The following PLCB4 variants were observed in gnomAD, a reference collection of about 807,000 sequenced individuals.
PLCB4 encodes phospholipase C beta 4, also known as 1-phosphatidylinositol 4,5-bisphosphate phosphodiesterase beta-4.
A neutral mutation model predicts 178.8 loss-of-function variants in PLCB4; 77 were observed. That is an observed-to-expected ratio of 0.43 (90% CI 0.36 to 0.52). The LOEUF (loss-of-function observed/expected upper bound fraction) is 0.52. Among genes scored for constraint, PLCB4 ranks in the 20% least tolerant of loss-of-function variants. The probability of loss-of-function intolerance (pLI) is 0.00; values close to 1 mark genes in which losing one functional copy is unlikely to be tolerated. For missense variants in PLCB4, 1,024 were observed against 1,453.4 expected (o/e 0.70, Z 4.80); for synonymous variants, 496 against 490.8 (o/e 1.01, Z -0.14).
chr20:9,304,238 T>G (rs368206371), intron 3 of PLCB4, among the ~76,000 whole-genome samples: 3,214 of 148,958 alleles, frequency 0.022, 106 homozygotes, highest in African/African-American at 0.076. Flanking sequence ...TATGTGTGTG[T>G]GGGGGGGTGT....
intron 27 of PLCB4, among the ~76,000 whole-genome samples, chr20:9,421,766 T>C (rs1021583653): frequency 6.6e-6 from 1 of 152,178 alleles, no homozygotes; most frequent in African/African-American, 2.4e-5. Flanking sequence ...AGTTCTTCCC[T>C]ACCCTGGAAG....
intron 2 of PLCB4, among the ~76,000 whole-genome samples, chr20:9,110,752 C>T (rs2091545573): frequency 6.6e-6 from 1 of 152,166 alleles, no homozygotes; most frequent in African/African-American, 2.4e-5. Context: ...ACCAAATGTC[C>T]TCTTCACCAA....
rs370518946 is a variant in PLCB4, at chr20:9,327,284, A to T, written c.85-9842A>T. 2.8e-3 allele frequency among the ~76,000 whole-genome samples: 413 copies of T among 148,654 alleles called. 2 individuals carry two copies. Among genetic ancestry groups the T allele is most frequent in the African/African-American group, 9.3e-3 (371 of 39,988 alleles). Reference sequence around the variant, plus strand: ...CGAAACTCTGTCTCTACAAAAAAAAATTTTTTTTTTTAATTAGCCAGCCAT... The same window carrying T: ...CGAAACTCTGTCTCTACAAAAAAAATTTTTTTTTTTTAATTAGCCAGCCAT... On this transcript the variant is annotated intron_variant, in intron 4 of 39. Transcript: ENST00000378473.
Position 9,104,217 on chromosome 20 carries a change from C to T in PLCB4, c.-79+7875C>T, listed in dbSNP as rs893208150. Among the ~76,000 whole-genome samples the T allele has an allele frequency of 3.9e-5, 6 of 152,142 alleles. No individual in the cohort carries two copies. In the East Asian group the frequency reaches 9.6e-4, roughly 24 times the overall value. ...CTGGGAGCTAAGAACTAGGGATTTC[C>T]GTCATCACCATGTGGGCTCTCAATG... is the stretch of plus-strand genomic sequence containing the variant. On this transcript the variant is annotated intron_variant, in intron 2 of 39. Transcript: ENST00000378473.
intron 33 of PLCB4, among the ~76,000 whole-genome samples, chr20:9,453,754 T>A (rs1316204678): frequency 6.6e-6 from 1 of 152,166 alleles, no homozygotes; most frequent in Non-Finnish European, 1.5e-5. Flanking sequence ...CCTCAAATAA[T>A]TGAAAAAATA....
chr20:9,378,430 G>T (rs2148336578), intron 12 of PLCB4, among the ~76,000 whole-genome samples: 1 of 152,224 alleles, frequency 6.6e-6, no homozygotes, highest in Middle Eastern at 3.4e-3. Flanking sequence ...TGTTGTTGTT[G>T]TCAGTTTGTT....
At chr20:9,456,732 A>C (rs1277287302) in intron 33 of PLCB4, among the ~76,000 whole-genome samples, 2 of 152,192 alleles carry the variant, frequency 1.3e-5, no homozygotes, top group African/African-American at 2.4e-5. Flanking sequence ...TTTTAGAGTA[A>C]TGCTTCTCTC....
chr20:9,233,865 A>G (rs557445556), intron 3 of PLCB4, among the ~76,000 whole-genome samples: 1 of 152,178 alleles, frequency 6.6e-6, no homozygotes, highest in South Asian at 2.1e-4. Context: ...TTTTAAATGG[A>G]ATGGGAATTT....
intron 4 of PLCB4, among the ~76,000 whole-genome samples, chr20:9,310,568 C>G (rs1176586726): frequency 6.6e-6 from 1 of 151,810 alleles, no homozygotes; most frequent in Non-Finnish European, 1.5e-5. Context: ...AAAAAATAGC[C>G]AGGTGTGGTG....
intron 2 of PLCB4, among the ~76,000 whole-genome samples, chr20:9,121,324 A>G (rs575048171): frequency 6.6e-6 from 1 of 152,160 alleles, no homozygotes; most frequent in African/African-American, 2.4e-5. Context: ...CACAATGACC[A>G]GAATTTTCTC....
chr20:9,142,655 G>A (rs1025738475), intron 2 of PLCB4, among the ~76,000 whole-genome samples: 2 of 152,078 alleles, frequency 1.3e-5, no homozygotes, highest in African/African-American at 2.4e-5. Flanking sequence ...AGTTTGTATT[G>A]CTGGTATCAC....
At chr20:9,290,205 A>C (rs965494331) in intron 3 of PLCB4, among the ~76,000 whole-genome samples, 5 of 151,734 alleles carry the variant, frequency 3.3e-5, no homozygotes, top group African/African-American at 4.8e-5. Context: ...AATTGATTGC[A>C]GACACAAGGA....
At chr20:9,191,345 ATTTTTTTTTTTTT>A (rs71184136) in intron 2 of PLCB4, among the ~76,000 whole-genome samples, 7 of 58,858 alleles carry the variant, frequency 1.2e-4, no homozygotes, top group Admixed American at 1.0e-3. Context: ...CTAGATAGGC[ATTTTTTTTTTTTT>A]TTTTTTTTTT....
chr20:9,192,227 G>A (rs930944225), intron 2 of PLCB4, among the ~76,000 whole-genome samples: 1 of 152,188 alleles, frequency 6.6e-6, no homozygotes, highest in Non-Finnish European at 1.5e-5. Context: ...AATTTGAGGT[G>A]ATATGAGCCG....
intron 2 of PLCB4, among the ~76,000 whole-genome samples, chr20:9,130,342 C>G (rs1466614301): frequency 6.6e-6 from 1 of 152,154 alleles, no homozygotes; most frequent in East Asian, 1.9e-4. Flanking sequence ...CCACACTCCC[C>G]ACACCAAAAA....
intron 12 of PLCB4, among the ~76,000 whole-genome samples, chr20:9,377,027 G>A (rs1329303843): frequency 1.3e-5 from 2 of 152,150 alleles, no homozygotes; most frequent in Admixed American, 6.5e-5. Flanking sequence ...GAGAGAAGGA[G>A]GGTATTTAGT....
intron 21 of PLCB4, among the ~76,000 whole-genome samples, chr20:9,406,193 A>G (rs1381197597): frequency 6.6e-6 from 1 of 152,124 alleles, no homozygotes; most frequent in Non-Finnish European, 1.5e-5. Context: ...GTCAGTGGGT[A>G]GGACTCTAAT....
intron 32 of PLCB4, among the ~76,000 whole-genome samples, chr20:9,450,658 CTTTTTTTTTTT>C (rs60982044): frequency 2.0e-5 from 2 of 100,248 alleles, no homozygotes; most frequent in African/African-American, 7.2e-5. Flanking sequence ...CTTTTCTTTT[CTTTTTTTTTTT>C]TTTTTTTTTG....
chr20:9,207,713 C>T (rs2093629818), intron 2 of PLCB4, among the ~76,000 whole-genome samples: 1 of 152,170 alleles, frequency 6.6e-6, no homozygotes, highest in Non-Finnish European at 1.5e-5. Context: ...GGAAAGGGAT[C>T]CAATCATGTT....
Sources: gnomAD v4.1 joint callset for allele counts (sites outside exome capture counted in the v4.1 genomes callset) on GRCh38, gnomAD v4.1.1 for gene constraint, MANE v1.5 for transcripts, NCBI Gene and HGNC (gene_info 2026-07-23, HGNC 2026-07-21) for gene names.